The following APTX variants were observed in gnomAD, a reference collection of about 807,000 sequenced individuals.
APTX encodes aprataxin, also known as forkhead-associated domain histidine triad-like protein.
A neutral mutation model predicts 42.3 loss-of-function variants in APTX; 33 were observed. The ratio of observed to expected loss-of-function variants is 0.78; its 90% CI spans 0.59 to 1.04. APTX has a LOEUF of 1.04. APTX is among the 50% of genes least tolerant of loss of function. The pLI is 0.00. For missense variants in APTX, 421 were observed against 415.1 expected, an observed-to-expected ratio of 1.01 and a Z score of -0.12; for synonymous variants, 130 against 146.7, an observed-to-expected ratio of 0.89 and a Z score of 0.82.
In APTX at chr9:32,989,818, A is replaced by G. The variant is rs1833124557; in HGVS notation, c.74T>C (p.Val25Ala). The change falls in exon 2 of 8, where the codon GTT becomes GCT. Residue 25 changes from valine to alanine, a missense_variant. By Grantham distance (64) the Val-to-Ala change is moderately conservative (BLOSUM62 0). Coordinates refer to ENST00000379817, the MANE Select transcript of APTX (RefSeq NM_001195248.2). ...GGTCTCTGGGCCACGCCCAATCACAACTGCTTCCAAATGTGGAAGTCTGAT... is the reference window on the plus strand; with the variant it reads ...GGTCTCTGGGCCACGCCCAATCACAGCTGCTTCCAAATGTGGAAGTCTGAT... ...QRIRLPHLEA[V>A]VIGRGPETKI... 3.7e-6 allele frequency: 6 copies of G among 1,614,224 alleles called. No individual in the cohort carries two copies. The highest frequency in any genetic ancestry group is 5.1e-6 in the Non-Finnish European group (6 of 1,180,044).
At chr9:33,011,737 G>A (rs893113344) in intron 1 of APTX, among the ~76,000 whole-genome samples, 12 of 152,304 alleles carry the variant, frequency 7.9e-5, no homozygotes, top group Admixed American at 3.3e-4. Flanking sequence ...TGGGGTCCAT[G>A]TTGAGTCAAC....
At chr9:32,992,269 T>G (rs1218439917) in intron 1 of APTX, among the ~76,000 whole-genome samples, 1 of 152,220 alleles carries the variant, frequency 6.6e-6, no homozygotes, top group Non-Finnish European at 1.5e-5. Context: ...TCAGTTTCAT[T>G]ACCATCTGCA....
At chr9:33,022,640 G>A (rs1838475675) in intron 1 of APTX, among the ~76,000 whole-genome samples, 1 of 152,110 alleles carries the variant, frequency 6.6e-6, no homozygotes, top group African/African-American at 2.4e-5. Flanking sequence ...AATAAATTAC[G>A]GTGCCTACAT....
chr9:33,019,863 T>A, intron 1 of APTX: 1 of 640,266 alleles, frequency 1.6e-6, no homozygotes, highest in Non-Finnish European at 2.8e-6. Context: ...CCAACCACCC[T>A]TTGGTGGGGT....
intron 6 of APTX, among the ~76,000 whole-genome samples, chr9:32,981,401 C>A (rs917817227): frequency 3.9e-5 from 6 of 152,066 alleles, no homozygotes; most frequent in African/African-American, 1.4e-4. Flanking sequence ...GGTAGATAAA[C>A]ACAGAATTAT....
chr9:32,974,963 T>G (rs1829014340), intron 6 of APTX, among the ~76,000 whole-genome samples: 1 of 151,622 alleles, frequency 6.6e-6, no homozygotes. Flanking sequence ...TGCCCAGGGG[T>G]AGAAGCTGCC....
chr9:32,990,586 G>C (rs1181266762), intron 1 of APTX, among the ~76,000 whole-genome samples: 1 of 152,168 alleles, frequency 6.6e-6, no homozygotes, highest in East Asian at 1.9e-4. Flanking sequence ...CAGTAGGACA[G>C]ACAGAATCAT....
At chr9:33,002,763 ATCTTT>A (rs1396898535), upstream of APTX, among the ~76,000 whole-genome samples, 1 of 152,212 alleles carries the variant, frequency 6.6e-6, no homozygotes, top group Non-Finnish European at 1.5e-5. Context: ...TCATTGAATA[ATCTTT>A]TCTTTAACAA....
At chr9:32,989,279 A>T (rs952362129) in intron 2 of APTX, among the ~76,000 whole-genome samples, 2 of 152,210 alleles carry the variant, frequency 1.3e-5, no homozygotes, top group Non-Finnish European at 2.9e-5. Context: ...AGGAAAAAAC[A>T]AGGTACATGG....
At chr9:33,004,630 C>CTTTTTTTTTTTTT (rs3065216), upstream of APTX, among the ~76,000 whole-genome samples, 1 of 125,712 alleles carries the variant, frequency 8.0e-6, no homozygotes, top group Non-Finnish European at 1.6e-5. Context: ...CTTGCCAACC[C>CTTTTTTTTTTTTT]TTTTTTTTTT....
chr9:32,990,080 T>A (rs1405736611), intron 1 of APTX, 185 bp from the exon 2 acceptor site: 6 of 686,614 alleles, frequency 8.7e-6, no homozygotes, highest in Non-Finnish European at 1.3e-5. Flanking sequence ...AGGAGGCTGT[T>A]GTGAAAATTA....
Position 32,987,631 on chromosome 9 carries a change from A to C in APTX, c.396T>G (p.Ala132=). The C allele has an allele frequency of 3.1e-6, 5 of 1,614,174 alleles. No individual in the cohort carries two copies. Among genetic ancestry groups the C allele is most frequent in the Non-Finnish European group, 4.2e-6 (5 of 1,180,036 alleles). ...CAGGTTCCAGCCCTGTCCCAGCCTC[A>C]GCTTCCTGAGCAGCATCCCTTTCTA... The part of the protein sequence containing the change: ...DSIERDAAQE[A]EAGTGLEPGS... The change falls in exon 4 of 8, where the codon GCT becomes GCG. Residue 132 remains alanine (A), a synonymous_variant. Coordinates refer to ENST00000379817, the MANE Select transcript of APTX (RefSeq NM_001195248.2).
chr9:32,998,890 TAA>T (rs34068893), intron 1 of APTX, among the ~76,000 whole-genome samples: 3 of 138,008 alleles, frequency 2.2e-5, no homozygotes, highest in Non-Finnish European at 3.1e-5. Flanking sequence ...TTGGTCAAGC[TAA>T]AAAAAAAAAA....
chr9:33,016,350 A>G (rs1837898460), intron 1 of APTX: 2 of 152,214 alleles, frequency 1.3e-5, no homozygotes, highest in African/African-American at 2.4e-5. Flanking sequence ...TAGCCATGTA[A>G]AAATTCATTT....
intron 6 of APTX, among the ~76,000 whole-genome samples, chr9:32,981,734 C>T (rs533738146): frequency 6.6e-6 from 1 of 152,120 alleles, no homozygotes; most frequent in Admixed American, 6.5e-5. Context: ...TGAATTATAA[C>T]CTATAGAATA....
chr9:33,011,256 C>A (rs894013191), intron 1 of APTX, among the ~76,000 whole-genome samples: 1 of 151,828 alleles, frequency 6.6e-6, no homozygotes, highest in Non-Finnish European at 1.5e-5. Flanking sequence ...AAATGAGAAA[C>A]CATTAAAGGA....
chr9:33,019,792 G>C (rs910026849), intron 1 of APTX: 1 of 612,728 alleles, frequency 1.6e-6, no homozygotes, highest in Non-Finnish European at 2.8e-6. Flanking sequence ...TTCGGAGCAG[G>C]CAACAGTCTT....
chr9:32,985,427 C>T (rs1011561848), intron 5 of APTX, among the ~76,000 whole-genome samples: 4 of 151,184 alleles, frequency 2.6e-5, no homozygotes, highest in East Asian at 2.0e-4. Context: ...CTCCACCTCC[C>T]GGATTCAAGT....
chr9:33,001,067 G>T (rs967274803), intron 1 of APTX, among the ~76,000 whole-genome samples: 1 of 151,834 alleles, frequency 6.6e-6, no homozygotes, highest in Non-Finnish European at 1.5e-5. Context: ...GGCTGGTCTG[G>T]AACTCCCGAC....
Sources: gnomAD v4.1 joint callset for allele counts (sites outside exome capture counted in the v4.1 genomes callset) on GRCh38, gnomAD v4.1.1 for gene constraint, MANE v1.5 for transcripts, NCBI Gene and HGNC (gene_info 2026-07-23, HGNC 2026-07-21) for gene names.